Variants in LUZP2 observed in about 807,000 individuals in gnomAD.
LUZP2 encodes the protein leucine zipper protein 2.
LUZP2 carries 52 observed loss-of-function variants against 51.6 expected under a neutral mutation model. That is an observed-to-expected ratio of 1.01 (90% confidence interval 0.81 to 1.27). LUZP2 has a LOEUF of 1.27. LUZP2 is among the 50% of genes most tolerant of loss of function. The pLI is 0.00. For missense variants in LUZP2, 436 were observed against 395.4 expected (o/e 1.10, Z -0.87); for synonymous variants, 154 against 137.3 (o/e 1.12, Z -0.85).
chr11:24,702,161 T>C (rs1226541455), intron 1 of LUZP2, among the ~76,000 whole-genome samples: 1 of 152,242 alleles, frequency 6.6e-6, no homozygotes, highest in Non-Finnish European at 1.5e-5. Flanking sequence ...TGTAACAGCT[T>C]ATCAACATGT....
intron 5 of LUZP2, chr11:24,890,796 T>C (rs1015203210): frequency 3.9e-6 from 2 of 516,580 alleles, no homozygotes; most frequent in African/African-American, 4.2e-5. Context: ...AAAATACATA[T>C]GTACATATTT....
chr11:24,779,634 T>C (rs1849031093), intron 5 of LUZP2, among the ~76,000 whole-genome samples: 1 of 152,174 alleles, frequency 6.6e-6, no homozygotes, highest in African/African-American at 2.4e-5. Context: ...AAAATACATG[T>C]AGTAGGCTGA....
At chr11:24,740,432 T>C (rs1188834137) in intron 4 of LUZP2, among the ~76,000 whole-genome samples, 1 of 152,132 alleles carries the variant, frequency 6.6e-6, no homozygotes, top group Non-Finnish European at 1.5e-5. Context: ...GGCTGAACAC[T>C]GGATCTTGAG....
At chr11:24,782,339 G>A (rs1390594727) in intron 5 of LUZP2, among the ~76,000 whole-genome samples, 2 of 152,004 alleles carry the variant, frequency 1.3e-5, no homozygotes, top group Non-Finnish European at 2.9e-5. Context: ...TTATTAGACA[G>A]GGAAGAGCAG....
intron 1 of LUZP2, among the ~76,000 whole-genome samples, chr11:24,525,690 T>C (rs1321631249): frequency 6.6e-6 from 1 of 151,362 alleles, no homozygotes; most frequent in South Asian, 2.1e-4. Flanking sequence ...CATCTGCAAA[T>C]TCTCTAATAT....
At chr11:24,983,440 C>A in intron 9 of LUZP2, 147 bp downstream of exon 9, 1 of 754,002 alleles carries the variant, frequency 1.3e-6, no homozygotes, top group Non-Finnish European at 2.1e-6. Context: ...AGTAACCCAG[C>A]TTGTAAAATC....
chr11:24,588,254 A>G (rs1301699183), intron 1 of LUZP2, among the ~76,000 whole-genome samples: 1 of 152,070 alleles, frequency 6.6e-6, no homozygotes, highest in Non-Finnish European at 1.5e-5. Context: ...TGCAGTTCAC[A>G]CAGAAGAGAA....
chr11:24,942,580 T>C (rs1854784951), intron 7 of LUZP2, among the ~76,000 whole-genome samples: 1 of 152,218 alleles, frequency 6.6e-6, no homozygotes, highest in Non-Finnish European at 1.5e-5. Flanking sequence ...TTTTGTTTTC[T>C]AATAACTAAG....
At position 24,557,380 on chromosome 11, in the gene LUZP2, G is replaced by T. The variant is rs78700899; in HGVS notation, c.62+60075G>T. Among the ~76,000 whole-genome samples the T allele has an allele frequency of 7.1e-3, 1,084 of 152,278 alleles. 15 individuals carry two copies. Among genetic ancestry groups the T allele is most frequent in the African/African-American group, 0.025 (1,041 of 41,550 alleles). ...AAGACCAGTGACATAGGAGCAGGAT[G>T]ATTATGGTTTTGAGTAAAATTATTG... is the stretch of plus-strand genomic sequence containing the variant. On this transcript the variant is annotated intron_variant, in intron 1 of 11. Transcript: ENST00000336930.
intron 8 of LUZP2, 80 bp from the exon 9 acceptor site, chr11:24,983,046 C>T: frequency 7.1e-7 from 1 of 1,409,160 alleles, no homozygotes; most frequent in Non-Finnish European, 9.8e-7. Flanking sequence ...GGAGTATAGG[C>T]TAAGAGGAAA....
At chr11:24,764,141 C>T (rs80053533) in intron 5 of LUZP2, among the ~76,000 whole-genome samples, 6,105 of 152,128 alleles carry the variant, frequency 0.04, 198 homozygotes, top group African/African-American at 0.086. Flanking sequence ...ACATTTTAAA[C>T]GAGATTAAAG....
intron 1 of LUZP2, among the ~76,000 whole-genome samples, chr11:24,614,645 G>A (rs564014108): frequency 1.3e-5 from 2 of 151,830 alleles, no homozygotes; most frequent in South Asian, 2.1e-4. Context: ...TCCTGATTTA[G>A]ATCTTTGTAC....
chr11:24,561,849 T>C (rs1167157683), intron 1 of LUZP2, among the ~76,000 whole-genome samples: 1 of 101,678 alleles, frequency 9.8e-6, no homozygotes, highest in African/African-American at 4.3e-5. Context: ...TAAAGAATTA[T>C]GCTAAGGAAA....
At chr11:24,889,893 A>G (rs1320758563) in intron 5 of LUZP2, among the ~76,000 whole-genome samples, 1 of 152,198 alleles carries the variant, frequency 6.6e-6, no homozygotes, top group Non-Finnish European at 1.5e-5. Context: ...TTGTGGAGTG[A>G]CAGTCTTTCC....
rs61644585 is a variant in LUZP2, at chr11:25,051,860, C to T, written c.858+1730C>T. Among the ~76,000 whole-genome samples, 1,095 of 152,206 alleles carry T rather than the reference C, an allele frequency of 7.2e-3. 11 individuals are homozygous for T. Among genetic ancestry groups the T allele is most frequent in the African/African-American group, 0.025 (1,048 of 41,528 alleles). ...TGTGGTTTGCTAGGATTCCTCAAAG[C>T]AACATTCTGGTCTACTTTTCTTATT... On this transcript the variant is annotated intron_variant, in intron 10 of 11. Coordinates refer to ENST00000336930, the MANE Select transcript of LUZP2 (RefSeq NM_001009909.4).
intron 5 of LUZP2, among the ~76,000 whole-genome samples, chr11:24,860,194 CTCA>C (rs1319724835): frequency 6.6e-6 from 1 of 152,224 alleles, no homozygotes; most frequent in Non-Finnish European, 1.5e-5. Flanking sequence ...GGTCAGAGTG[CTCA>C]TCAAGTCAGA....
chr11:24,897,751 T>C (rs1420845620), intron 5 of LUZP2, among the ~76,000 whole-genome samples: 1 of 152,178 alleles, frequency 6.6e-6, no homozygotes, highest in African/African-American at 2.4e-5. Context: ...TGATTGTTGG[T>C]TGCTTGTATG....
chr11:24,939,450 TA>T (rs1854682980), intron 7 of LUZP2, among the ~76,000 whole-genome samples: 1 of 152,084 alleles, frequency 6.6e-6, no homozygotes, highest in Non-Finnish European at 1.5e-5. Flanking sequence ...TCAGTAAACC[TA>T]TTAGTACCTT....
intron 4 of LUZP2, among the ~76,000 whole-genome samples, chr11:24,739,505 A>T (rs1004472163): frequency 6.6e-6 from 1 of 152,090 alleles, no homozygotes; most frequent in African/African-American, 2.4e-5. Context: ...TGGCTCAAGC[A>T]TATGATTGGG....
Sources: allele counts gnomAD v4.1 joint callset (sites outside exome capture counted in the v4.1 genomes callset), GRCh38; gene constraint gnomAD v4.1.1; transcripts MANE v1.5; gene names NCBI Gene and HGNC (gene_info 2026-07-23, HGNC 2026-07-21).